FLT1: variants seen among roughly 807,000 people sequenced by gnomAD.
The protein encoded by FLT1 is fms related receptor tyrosine kinase 1.
FLT1 carries 49 observed loss-of-function variants against 156.3 expected under a neutral mutation model. The ratio of observed to expected loss-of-function variants is 0.31; its 90% CI spans 0.25 to 0.40. The LOEUF is 0.40. Ranked by LOEUF, FLT1 falls within the 10% of genes least tolerant of loss-of-function variation. The pLI is 1.00. For missense variants in FLT1, 1,322 were observed against 1,637.2 expected (o/e 0.81, Z 3.32); for synonymous variants, 594 against 583.8 (o/e 1.02, Z -0.25).
intron 27 of FLT1, among the ~76,000 whole-genome samples, chr13:28,310,616 C>T (rs1211255098): frequency 1.3e-5 from 2 of 152,182 alleles, no homozygotes; most frequent in African/African-American, 2.4e-5. Context: ...GTGCAGTCCC[C>T]GGGCCAGCAG....
intron 16 of FLT1, among the ~76,000 whole-genome samples, chr13:28,344,623 G>A (rs938811199): frequency 2.0e-5 from 3 of 152,094 alleles, no homozygotes; most frequent in Non-Finnish European, 4.4e-5. Context: ...TTTCAGAGAA[G>A]CAGATCATAT....
At chr13:28,319,596 G>C (rs1871357081) in intron 23 of FLT1, 62 bp from the exon 24 acceptor site, 1 of 926,568 alleles carries the variant, frequency 1.1e-6, no homozygotes, top group Non-Finnish European at 1.8e-6. Flanking sequence ...TTCAACCCGA[G>C]TGTCCATGGG....
At chr13:28,448,117 G>A (rs528960907) in intron 3 of FLT1, among the ~76,000 whole-genome samples, 23 of 152,314 alleles carry the variant, frequency 1.5e-4, no homozygotes, top group East Asian at 7.7e-4. Context: ...ACAAGTGTTG[G>A]CAAGGATGTG....
At chr13:28,363,291 C>T (rs988345970) in intron 14 of FLT1, among the ~76,000 whole-genome samples, 1 of 152,138 alleles carries the variant, frequency 6.6e-6, no homozygotes, top group African/African-American at 2.4e-5. Context: ...CATGTATCTA[C>T]CATTAAGATG....
intron 1 of FLT1, among the ~76,000 whole-genome samples, chr13:28,481,416 A>G (rs529537601): frequency 3.3e-5 from 5 of 151,270 alleles, no homozygotes; most frequent in African/African-American, 4.9e-5. Flanking sequence ...GCTCCTGGCC[A>G]TATTTCTCCT....
chr13:28,356,070 CAG>C (rs1177637588), intron 15 of FLT1, among the ~76,000 whole-genome samples: 2 of 151,944 alleles, frequency 1.3e-5, no homozygotes, highest in Non-Finnish European at 2.9e-5. Flanking sequence ...GGGGTGGGGA[CAG>C]GGGAATGCAG....
chr13:28,393,953 A>G (rs1344459885), intron 12 of FLT1, among the ~76,000 whole-genome samples: 1 of 152,216 alleles, frequency 6.6e-6, no homozygotes, highest in Non-Finnish European at 1.5e-5. Context: ...ATCCAAATCT[A>G]GATAAGAAGA....
chr13:28,395,393 C>G (rs1479882815), intron 12 of FLT1, among the ~76,000 whole-genome samples: 1 of 152,192 alleles, frequency 6.6e-6, no homozygotes, highest in Non-Finnish European at 1.5e-5. Flanking sequence ...AATATGGTAA[C>G]TGTGAGCCAC....
At chr13:28,372,566 G>GTGTATA (rs1555232432) in intron 14 of FLT1, among the ~76,000 whole-genome samples, 17 of 91,456 alleles carry the variant, frequency 1.9e-4, no homozygotes, top group African/African-American at 5.9e-4. Context: ...TAAATAAAAT[G>GTGTATA]TATATATATA....
At chr13:28,453,183 C>T (rs754596761) in intron 3 of FLT1, among the ~76,000 whole-genome samples, 1 of 148,760 alleles carries the variant, frequency 6.7e-6, no homozygotes, top group African/African-American at 2.5e-5. Context: ...GAGTGCAATG[C>T]TGCCATCTCA....
chr13:28,314,849 C>A (rs1031925142), intron 25 of FLT1, among the ~76,000 whole-genome samples: 1 of 152,178 alleles, frequency 6.6e-6, no homozygotes, highest in African/African-American at 2.4e-5. Flanking sequence ...AATTAAGGAA[C>A]CATACCACTC....
chr13:28,334,029 C>T lies in FLT1; in HGVS notation c.2589G>A (p.Leu863=), dbSNP rs140461631. 2.3e-5 allele frequency: 37 copies of T among 1,601,386 alleles called. No individual in the cohort carries two copies. The African/African-American group carries it at 4.3e-4, about 19-fold the overall frequency. ...GCCAAACTACAGCATACATACCTTT[C>T]AGCATTTTCACAGCCACAGTCCGGC... is the stretch of plus-strand genomic sequence containing the variant. ...PTCRTVAVKM[L]KEGATASEYK... The change falls in exon 18 of 30, where the codon CTG becomes CTA. Residue 863 remains leucine (L), a synonymous_variant. Coordinates refer to ENST00000282397, the MANE Select transcript of FLT1 (RefSeq NM_002019.4).
intron 20 of FLT1, among the ~76,000 whole-genome samples, chr13:28,324,507 G>A (rs919041963): frequency 3.3e-5 from 5 of 152,240 alleles, no homozygotes; most frequent in African/African-American, 4.8e-5. Flanking sequence ...GAGACCTTCC[G>A]GGGTTGCAGA....
At position 28,327,093 on chromosome 13, in the gene FLT1, T is replaced by G. The variant is rs114724939; in HGVS notation, c.2796+369A>C. ...AACCTAATAAATGGAGACAATTATATTAACTATTATCTTCCTTAAAGAAAT... is the reference window on the plus strand; with the variant it reads ...AACCTAATAAATGGAGACAATTATAGTAACTATTATCTTCCTTAAAGAAAT... On this transcript the variant is annotated intron_variant, in intron 20 of 29. Coordinates refer to ENST00000282397, the MANE Select transcript of FLT1 (RefSeq NM_002019.4). 3.5e-3 allele frequency among the ~76,000 whole-genome samples: 541 copies of G among 152,402 alleles called. 5 individuals carry two copies. Among genetic ancestry groups the G allele is most frequent in the African/African-American group, 0.012 (517 of 41,600 alleles).
At chr13:28,376,442 A>T (rs1873842479) in intron 14 of FLT1, among the ~76,000 whole-genome samples, 1 of 152,202 alleles carries the variant, frequency 6.6e-6, no homozygotes, top group Non-Finnish European at 1.5e-5. Context: ...TAGTTTGATG[A>T]TGGTTTATTG....
chr13:28,484,588 C>A (rs2137662068), intron 1 of FLT1, among the ~76,000 whole-genome samples: 1 of 152,270 alleles, frequency 6.6e-6, no homozygotes, highest in East Asian at 1.9e-4. Flanking sequence ...CTGCCACATA[C>A]AGCAGTGGAA....
chr13:28,494,164 C>T (rs1187544308), intron 1 of FLT1, among the ~76,000 whole-genome samples: 1 of 152,212 alleles, frequency 6.6e-6, no homozygotes, highest in Non-Finnish European at 1.5e-5. Context: ...GGCTTGGGGA[C>T]TCAAGCGGGT....
intron 1 of FLT1, among the ~76,000 whole-genome samples, chr13:28,492,844 GC>G (rs767006762): frequency 1.3e-5 from 2 of 152,242 alleles, no homozygotes; most frequent in South Asian, 4.1e-4. Context: ...CACCCATGAT[GC>G]CGACTGAGCT....
intron 20 of FLT1, among the ~76,000 whole-genome samples, chr13:28,323,667 A>G (rs79476553): frequency 8.0e-5 from 12 of 150,674 alleles, no homozygotes; most frequent in African/African-American, 2.9e-4. Flanking sequence ...AAAAAAAAAA[A>G]GCAAAGCTTG....
Sources: gnomAD v4.1 joint callset for allele counts (sites outside exome capture counted in the v4.1 genomes callset) on GRCh38, gnomAD v4.1.1 for gene constraint, MANE v1.5 for transcripts, NCBI Gene and HGNC (gene_info 2026-07-23, HGNC 2026-07-21) for gene names.